Variants in NFIA observed in about 807,000 individuals in gnomAD.
NFIA encodes the protein nuclear factor 1 A-type.
Under a neutral mutation model 62.8 loss-of-function variants are expected in NFIA, and 8 were observed. The ratio of observed to expected loss-of-function variants is 0.13; its 90% CI spans 0.07 to 0.23. The LOEUF is 0.23. NFIA is among the 10% of genes least tolerant of loss of function. The pLI, the probability that NFIA is intolerant of heterozygous loss-of-function variation, is 1.00. For synonymous variants in NFIA, 235 were observed against 238.1 expected (o/e 0.99, Z 0.12); for missense variants, 410 against 642.1 (o/e 0.64, Z 3.91).
intron 6 of NFIA, among the ~76,000 whole-genome samples, chr1:61,366,414 A>G (rs1663591282): frequency 6.6e-6 from 1 of 152,228 alleles, no homozygotes; most frequent in Non-Finnish European, 1.5e-5. Context: ...GTAGAAAAAC[A>G]TTCAAAATTC....
At chr1:61,403,159 G>A (rs1300733632) in intron 7 of NFIA, among the ~76,000 whole-genome samples, 5 of 152,182 alleles carry the variant, frequency 3.3e-5, no homozygotes, top group African/African-American at 1.2e-4. Context: ...TTTGGGAGAG[G>A]TTTCTCTGGC....
intron 3 of NFIA, among the ~76,000 whole-genome samples, chr1:61,283,077 CT>C (rs1015158208): frequency 2.2e-4 from 33 of 152,146 alleles, no homozygotes; most frequent in African/African-American, 7.7e-4. Flanking sequence ...TTGAATCTAC[CT>C]TTCATGTTCA....
chr1:61,417,265 TTGTGTG>T (rs5774557), intron 9 of NFIA, among the ~76,000 whole-genome samples: 6 of 139,096 alleles, frequency 4.3e-5, no homozygotes, highest in Non-Finnish European at 9.3e-5. Context: ...TTCCTCATCT[TTGTGTG>T]TGTGTGTGTG....
chr1:61,219,575 G>A (rs201752940), intron 2 of NFIA, among the ~76,000 whole-genome samples: 1 of 152,002 alleles, frequency 6.6e-6, no homozygotes, highest in Non-Finnish European at 1.5e-5. Context: ...TTAGCCGGGC[G>A]TGGTGGCGGG....
chr1:61,338,363 A>G lies in NFIA; in HGVS notation c.700+5777A>G, dbSNP rs566378282. Among the ~76,000 whole-genome samples, 7 of 152,308 alleles carry G rather than the reference A, an allele frequency of 4.6e-5. No individual in the cohort carries two copies. In the East Asian group the frequency reaches 1.2e-3, roughly 25 times the overall value. On this transcript the variant is annotated intron_variant, in intron 4 of 10. Transcript: ENST00000403491. Reference sequence around the variant, plus strand: ...TCAATGGAGAGTGGGAGTGAATGGAACCAGGCATATGCCTCAGCCTGGCAT... The same window carrying G: ...TCAATGGAGAGTGGGAGTGAATGGAGCCAGGCATATGCCTCAGCCTGGCAT...
intron 9 of NFIA, among the ~76,000 whole-genome samples, chr1:61,424,637 G>T (rs1666785099): frequency 1.3e-5 from 2 of 151,908 alleles, no homozygotes; most frequent in South Asian, 4.2e-4. Context: ...CCACTAACAG[G>T]TTCAACAGGT....
At chr1:61,314,918 T>C (rs1660291104) in intron 3 of NFIA, among the ~76,000 whole-genome samples, 1 of 152,210 alleles carries the variant, frequency 6.6e-6, no homozygotes, top group Non-Finnish European at 1.5e-5. Context: ...ACGAAATATT[T>C]TGATATATGT....
At chr1:61,192,618 C>T (rs1473489524) in intron 2 of NFIA, among the ~76,000 whole-genome samples, 1 of 151,680 alleles carries the variant, frequency 6.6e-6, no homozygotes, top group East Asian at 1.9e-4. Context: ...CAGGAGAATC[C>T]CCTGAACTGG....
intron 9 of NFIA, among the ~76,000 whole-genome samples, chr1:61,416,620 T>C (rs1666358917): frequency 6.6e-6 from 1 of 152,172 alleles, no homozygotes; most frequent in Non-Finnish European, 1.5e-5. Flanking sequence ...GTATTTTAAT[T>C]TTGTGTAGTC....
At chr1:61,435,939 A>G (rs1236782149) in intron 10 of NFIA, among the ~76,000 whole-genome samples, 1 of 151,134 alleles carries the variant, frequency 6.6e-6, no homozygotes, top group African/African-American at 2.4e-5. Context: ...TCCTCCACAC[A>G]CTCCCTATGT....
intron 1 of NFIA, among the ~76,000 whole-genome samples, chr1:61,087,920 T>A (rs1224288479): frequency 6.6e-6 from 1 of 152,170 alleles, no homozygotes; most frequent in Non-Finnish European, 1.5e-5. Context: ...AACAGTTTTT[T>A]AATTTTCAGC....
intron 10 of NFIA, among the ~76,000 whole-genome samples, chr1:61,449,286 C>T (rs114648368): frequency 0.01 from 1,587 of 152,300 alleles, 28 homozygotes; most frequent in African/African-American, 0.036. Flanking sequence ...AGATGCCTTG[C>T]TTTGCCCTCA....
At position 61,223,562 on chromosome 1, in the gene NFIA, A is replaced by G. The variant is rs1654149581; in HGVS notation, c.560-53958A>G. On this transcript the variant is annotated intron_variant, in intron 2 of 10. Transcript: ENST00000403491. ...TTTTAACTTATTTTTAGAATATAAG[A>G]TAAACATTTCAAATTATATTTTAAA... Among the ~76,000 whole-genome samples, 5 of 152,234 alleles carry G rather than the reference A, an allele frequency of 3.3e-5. No individual in the cohort carries two copies. In the South Asian group the frequency reaches 1.0e-3, roughly 32 times the overall value.
chr1:61,106,754 C>T (rs1286569927), intron 2 of NFIA, among the ~76,000 whole-genome samples: 2 of 151,350 alleles, frequency 1.3e-5, no homozygotes, highest in African/African-American at 2.4e-5. Flanking sequence ...AGATAACAAC[C>T]AATACCTTTC....
intron 3 of NFIA, among the ~76,000 whole-genome samples, chr1:61,305,588 A>G (rs557678905): frequency 6.6e-5 from 10 of 152,186 alleles, no homozygotes; most frequent in Non-Finnish European, 1.5e-4. Context: ...GAGCCTAGAC[A>G]TTTTATAAGC....
chr1:61,097,275 A>T (rs1646433015), intron 2 of NFIA, among the ~76,000 whole-genome samples: 1 of 152,304 alleles, frequency 6.6e-6, no homozygotes, highest in South Asian at 2.1e-4. Flanking sequence ...TTCCAGACAT[A>T]GACAGTTCTC....
In NFIA at chr1:61,232,048, G is replaced by C. The variant is rs1311326315; in HGVS notation, c.560-45472G>C. 2.0e-5 allele frequency among the ~76,000 whole-genome samples: 3 copies of C among 152,058 alleles called. No homozygotes were observed. In the East Asian group the frequency reaches 5.8e-4, roughly 29 times the overall value. On this transcript the variant is annotated intron_variant, in intron 2 of 10. Transcript: ENST00000403491. Reference sequence around the variant, plus strand: ...TTAGTTTTCAGTTTCTTGATTGAGGGCTCAAAACAGAACTCAATATGCAAA... The same window carrying C: ...TTAGTTTTCAGTTTCTTGATTGAGGCCTCAAAACAGAACTCAATATGCAAA...
At chr1:61,140,687 C>T (rs1306361352) in intron 2 of NFIA, among the ~76,000 whole-genome samples, 1 of 152,110 alleles carries the variant, frequency 6.6e-6, no homozygotes, top group Non-Finnish European at 1.5e-5. Context: ...TTCCAAAAGG[C>T]TATTACCTCT....
At chr1:61,383,501 C>T in intron 7 of NFIA, 136 bp downstream of exon 7, 2 of 1,154,842 alleles carry the variant, frequency 1.7e-6, no homozygotes, top group Admixed American at 5.4e-5. Context: ...CCCTTGGGGG[C>T]AGCCTTGGAA....
Sources: gnomAD v4.1 joint callset for allele counts (sites outside exome capture counted in the v4.1 genomes callset) on GRCh38, gnomAD v4.1.1 for gene constraint, MANE v1.5 for transcripts, NCBI Gene and HGNC (gene_info 2026-07-23, HGNC 2026-07-21) for gene names.